ANKRD34C: variants seen among roughly 807,000 people sequenced by gnomAD.
ANKRD34C encodes the protein ankyrin repeat domain-containing protein 34C.
For missense variants in ANKRD34C, 563 were observed against 653.0 expected, an observed-to-expected ratio of 0.86 and a Z score of 1.50; for synonymous variants, 260 against 253.6, an observed-to-expected ratio of 1.03 and a Z score of -0.24.
intron 1 of ANKRD34C, among the ~76,000 whole-genome samples, chr15:79,286,142 C>T (rs2058644025): frequency 1.4e-5 from 2 of 146,890 alleles, no homozygotes; most frequent in African/African-American, 5.0e-5. Flanking sequence ...GCCCCTGTGC[C>T]ATTGGAAGAT....
At chr15:79,284,351 G>A (rs558134779) in intron 1 of ANKRD34C, among the ~76,000 whole-genome samples, 1 of 152,298 alleles carries the variant, frequency 6.6e-6, no homozygotes, top group East Asian at 1.9e-4. Flanking sequence ...CAAAGCTGTA[G>A]CACTTAAAAA....
intron 1 of ANKRD34C, among the ~76,000 whole-genome samples, chr15:79,286,561 G>T (rs889861857): frequency 6.6e-6 from 1 of 152,122 alleles, no homozygotes; most frequent in African/African-American, 2.4e-5. Flanking sequence ...ATTTTCAAAT[G>T]AAGGTAAATT....
intron 1 of ANKRD34C, among the ~76,000 whole-genome samples, chr15:79,292,113 G>A (rs2058661430): frequency 6.6e-6 from 1 of 152,228 alleles, no homozygotes; most frequent in African/African-American, 2.4e-5. Flanking sequence ...ATGTGAATCA[G>A]ATGAGGAGGA....
At chr15:79,288,812 CTT>C (rs60075615) in intron 1 of ANKRD34C, among the ~76,000 whole-genome samples, 560 of 55,580 alleles carry the variant, frequency 0.01, 4 homozygotes, top group East Asian at 0.04. Context: ...GCCCAGTATT[CTT>C]TTTTTTTTTT....
chr15:79,294,711 A>G lies in ANKRD34C; in HGVS notation c.1427A>G (p.Asp476Gly), dbSNP rs1274864887. 6.4e-7 allele frequency: 1 copy of G among 1,551,716 alleles called. No homozygotes were observed. The highest frequency in any genetic ancestry group is 8.7e-7 in the Non-Finnish European group (1 of 1,147,004). Residue 476 changes from aspartate (D) to glycine (G), a missense_variant, in exon 2 of 2, where the codon GAT becomes GGT. Physicochemically the swap from Asp to Gly is moderately conservative, Grantham distance 94 (BLOSUM62 -1). Transcript: ENST00000421388. The stretch of plus-strand genomic sequence containing the variant: ...GTGAATCTGAACCCGCCTATTCCAG[A>G]TATTAGATCTAGCAGCAAACCTTCT... ...LNVNLNPPIP[D>G]IRSSSKPSCS... is the part of the protein sequence containing the mutation.
chr15:79,288,883 C>A (rs976456729), intron 1 of ANKRD34C, among the ~76,000 whole-genome samples: 2 of 130,056 alleles, frequency 1.5e-5, no homozygotes, highest in African/African-American at 3.0e-5. Flanking sequence ...TACAATGGTA[C>A]GATCTCGGCT....
Position 79,294,293 on chromosome 15 carries a change from C to T in ANKRD34C, c.1009C>T (p.Gln337Ter). Residue 337 changes from glutamine (Q) to a stop codon, truncating the protein, a stop_gained, in exon 2 of 2, where the codon CAG (glutamine) becomes TAG (stop). Coordinates refer to ENST00000421388, the MANE Select transcript of ANKRD34C (RefSeq NM_001146341.2). LOFTEE classifies it low-confidence loss of function (END_TRUNC). ...CTGGAAAGCAGCCTATGAGAAAGGTCAGGCTCCCCACCCACGTCTGGCCAG... is the reference window on the plus strand; with the variant it reads ...CTGGAAAGCAGCCTATGAGAAAGGTTAGGCTCCCCACCCACGTCTGGCCAG... ...ASWKAAYEKG[Q>*]APHPRLARRG... 6.4e-7 allele frequency: 1 copy of T among 1,551,722 alleles called. No homozygotes were observed. The highest frequency in any genetic ancestry group is 8.7e-7 in the Non-Finnish European group (1 of 1,146,996).
intron 1 of ANKRD34C, 106 bp from the exon 2 acceptor site, chr15:79,293,135 G>T (rs1567016425): frequency 1.3e-6 from 1 of 798,468 alleles, no homozygotes; most frequent in East Asian, 2.8e-5. Flanking sequence ...GTCAATGTAA[G>T]TTGGGATCAG....
chr15:79,290,660 C>T (rs535801966), intron 1 of ANKRD34C, among the ~76,000 whole-genome samples: 147 of 152,318 alleles, frequency 9.7e-4, no homozygotes, highest in South Asian at 6.4e-3. Context: ...TTGGAAGCTG[C>T]AAGAACTACT....
intron 1 of ANKRD34C, 68 bp from the exon 2 acceptor site, chr15:79,293,173 G>A (rs914270366): frequency 5.4e-5 from 65 of 1,211,702 alleles, no homozygotes; most frequent in South Asian, 3.6e-4. Context: ...CCCAGACCCC[G>A]TAATAACCAT....
In ANKRD34C at chr15:79,283,120, C is replaced by T. The variant is rs1407874824; in HGVS notation, c.-153C>T. ...GCAGTGCCCTCTGGCAGCCAACCCG[C>T]AGCTGCAGGTAGGGGTGCTGGACGC... is the stretch of plus-strand genomic sequence containing the variant. On this transcript the variant is annotated 5_prime_UTR_variant, in exon 1 of 2. Transcript: ENST00000421388. Among the ~76,000 whole-genome samples the T allele has an allele frequency of 1.3e-5, 2 of 152,176 alleles. No homozygotes were observed. Among genetic ancestry groups the T allele is most frequent in the Non-Finnish European group, 2.9e-5 (2 of 68,022 alleles).
At chr15:79,285,837 T>C (rs1472096305) in intron 1 of ANKRD34C, among the ~76,000 whole-genome samples, 1 of 152,146 alleles carries the variant, frequency 6.6e-6, no homozygotes, top group East Asian at 1.9e-4. Context: ...TGGTCTAAAC[T>C]ACTCAGGCCA....
At chr15:79,289,211 G>A (rs775281280) in intron 1 of ANKRD34C, among the ~76,000 whole-genome samples, 3 of 152,234 alleles carry the variant, frequency 2.0e-5, no homozygotes, top group Non-Finnish European at 4.4e-5. Flanking sequence ...GGCTACAAGA[G>A]TGAGGTAAGC....
intron 1 of ANKRD34C, among the ~76,000 whole-genome samples, chr15:79,284,616 G>A (rs968781795): frequency 2.0e-5 from 3 of 152,172 alleles, no homozygotes; most frequent in Admixed American, 6.5e-5. Context: ...GGCACAGAGC[G>A]GGGCTCAGTG....
At chr15:79,289,754 G>A (rs922100038) in intron 1 of ANKRD34C, among the ~76,000 whole-genome samples, 3 of 152,130 alleles carry the variant, frequency 2.0e-5, no homozygotes, top group South Asian at 2.1e-4. Flanking sequence ...TGAGAAGGGA[G>A]CAAAGACAGT....
At position 79,294,538 on chromosome 15, in the gene ANKRD34C, C is replaced by T. The variant is rs1368923906; in HGVS notation, c.1254C>T (p.Gly418=). ...LNSSHLSLFH[G]SRESLDTVPS... is the part of the protein sequence containing the mutation. ...GCTCTCACTTGTCTCTTTTCCATGG[C>T]TCTCGGGAGTCCCTGGACACTGTAC... Residue 418 remains glycine, a synonymous_variant, in exon 2 of 2, where the codon GGC becomes GGT. Coordinates refer to ENST00000421388, the MANE Select transcript of ANKRD34C (RefSeq NM_001146341.2). 1.9e-6 allele frequency: 3 copies of T among 1,551,606 alleles called. No homozygotes were observed. Among genetic ancestry groups the T allele is most frequent in the Non-Finnish European group, 2.6e-6 (3 of 1,147,000 alleles).
chr15:79,292,404 G>T (rs543059533), intron 1 of ANKRD34C, among the ~76,000 whole-genome samples: 18 of 152,254 alleles, frequency 1.2e-4, no homozygotes, highest in African/African-American at 4.1e-4. Flanking sequence ...AGAAAGCTTT[G>T]GTCTGAGCTT....
chr15:79,283,858 G>A (rs2058636208), intron 1 of ANKRD34C: 1 of 152,234 alleles, frequency 6.6e-6, no homozygotes, highest in African/African-American at 2.4e-5. Context: ...CTCAGTTCAG[G>A]GCAGCTACGT....
intron 1 of ANKRD34C, among the ~76,000 whole-genome samples, chr15:79,291,004 A>T (rs1186734877): frequency 6.6e-6 from 1 of 152,078 alleles, no homozygotes; most frequent in Non-Finnish European, 1.5e-5. Flanking sequence ...GTATCTTTTT[A>T]TGTGCTTATT....
Sources: gnomAD v4.1 joint callset for allele counts (sites outside exome capture counted in the v4.1 genomes callset) on GRCh38, gnomAD v4.1.1 for gene constraint, MANE v1.5 for transcripts, NCBI Gene and HGNC (gene_info 2026-07-23, HGNC 2026-07-21) for gene names.